Variants in DLG2 observed in about 807,000 individuals in gnomAD.
DLG2 encodes the protein discs large MAGUK scaffold protein 2.
In DLG2, 45 loss-of-function variants were observed where a neutral mutation model predicts 132.5. The observed-to-expected ratio is 0.34, with a 90% CI of 0.27 to 0.44. DLG2 has a LOEUF of 0.44. Among genes scored for constraint, DLG2 ranks in the 20% least tolerant of loss-of-function variants. The probability of loss-of-function intolerance (pLI) is 1.00; values close to 1 mark genes in which losing one functional copy is unlikely to be tolerated. For synonymous variants in DLG2, 424 were observed against 419.6 expected (o/e 1.01, Z -0.13); for missense variants, 1,045 against 1,196.9 (o/e 0.87, Z 1.87).
chr11:84,291,212 T>C (rs1371089973), intron 7 of DLG2, among the ~76,000 whole-genome samples: 3 of 152,106 alleles, frequency 2.0e-5, no homozygotes, highest in Admixed American at 1.3e-4. Context: ...AATTAAAGGC[T>C]AGCTAAGTTA....
intron 18 of DLG2, among the ~76,000 whole-genome samples, chr11:83,737,956 C>A (rs2092127078): frequency 6.6e-6 from 1 of 152,086 alleles, no homozygotes; most frequent in Non-Finnish European, 1.5e-5. Context: ...CTCTTTAATA[C>A]CTGTGCCCCC....
intron 6 of DLG2, among the ~76,000 whole-genome samples, chr11:85,008,157 TCAAGAGTA>T (rs1255326510): frequency 6.6e-6 from 1 of 152,154 alleles, no homozygotes; most frequent in Non-Finnish European, 1.5e-5. Flanking sequence ...AGTTTTGATA[TCAAGAGTA>T]TATAAAACTT....
intron 14 of DLG2, among the ~76,000 whole-genome samples, chr11:83,960,190 T>A (rs1013041686): frequency 1.3e-5 from 2 of 152,078 alleles, no homozygotes; most frequent in African/African-American, 4.8e-5. Flanking sequence ...CAAGTACTAA[T>A]TAGAGTCATA....
intron 8 of DLG2, among the ~76,000 whole-genome samples, chr11:84,239,268 C>T (rs2097197386): frequency 1.3e-5 from 2 of 150,230 alleles, no homozygotes; most frequent in Admixed American, 1.3e-4. Flanking sequence ...GCAACCTCAA[C>T]CTTCTGGGTT....
At position 85,027,435 on chromosome 11, in the gene DLG2, C is replaced by T. The variant is rs527842225; in HGVS notation, c.357+84226G>A. On this transcript the variant is annotated intron_variant, in intron 6 of 27. Transcript: ENST00000376104. ...AGCCAGAAACCTCTGTGGCAGGCAG[C>T]GCCTTCTGCCTGAGTATTGCTCGCG... Among the ~76,000 whole-genome samples, 54 of 152,198 alleles carry T rather than the reference C, an allele frequency of 3.5e-4. 1 individual carries two copies. The highest frequency in any genetic ancestry group is 1.1e-3 in the African/African-American group (44 of 41,538).
intron 21 of DLG2, among the ~76,000 whole-genome samples, chr11:83,528,914 C>T (rs1305155806): frequency 6.6e-6 from 1 of 152,144 alleles, no homozygotes; most frequent in African/African-American, 2.4e-5. Flanking sequence ...CAAGCACTGA[C>T]AGTCACATTA....
chr11:84,242,461 A>G lies in DLG2; in HGVS notation c.573+8777T>C, dbSNP rs2097243181. Among the ~76,000 whole-genome samples the G allele has an allele frequency of 2.6e-5, 4 of 151,198 alleles. 1 individual carries two copies. The South Asian group carries it at 8.4e-4, about 32-fold the overall frequency. ...TGCTCTGTCACCCAGGCTGGAGTGCAATGGCATGATCCCGGCTCACTGCAA... is the reference window on the plus strand; with the variant it reads ...TGCTCTGTCACCCAGGCTGGAGTGCGATGGCATGATCCCGGCTCACTGCAA... On this transcript the variant is annotated intron_variant, in intron 8 of 27. Coordinates refer to ENST00000376104, the MANE Select transcript of DLG2 (RefSeq NM_001142699.3).
At chr11:83,981,731 C>A (rs1368238577) in intron 11 of DLG2, among the ~76,000 whole-genome samples, 1 of 152,140 alleles carries the variant, frequency 6.6e-6, no homozygotes, top group Non-Finnish European at 1.5e-5. Flanking sequence ...GCCACCACGT[C>A]CTGCCAAAAA....
intron 14 of DLG2, among the ~76,000 whole-genome samples, chr11:83,935,738 A>G (rs2081293657): frequency 6.6e-6 from 1 of 152,220 alleles, no homozygotes; most frequent in South Asian, 2.1e-4. Context: ...AATATTTAAA[A>G]AGATTTTTCT....
chr11:83,498,686 A>AAC (rs33937152), intron 21 of DLG2, among the ~76,000 whole-genome samples: 1 of 151,344 alleles, frequency 6.6e-6, no homozygotes, highest in Non-Finnish European at 1.5e-5. Context: ...AAAAAAAAAA[A>AAC]CAATAATAAA....
At chr11:83,918,943 G>A (rs1264775741) in intron 15 of DLG2, among the ~76,000 whole-genome samples, 2 of 152,200 alleles carry the variant, frequency 1.3e-5, no homozygotes, top group African/African-American at 4.8e-5. Context: ...GAGCTCCAGT[G>A]TGGACAAGAG....
chr11:84,930,044 T>C (rs956765486), intron 6 of DLG2, among the ~76,000 whole-genome samples: 6 of 151,992 alleles, frequency 3.9e-5, no homozygotes, highest in African/African-American at 1.2e-4. Context: ...CATTCTAAAT[T>C]AAAAGACTGA....
chr11:85,478,323 C>A (rs1480968476), intron 3 of DLG2, among the ~76,000 whole-genome samples: 2 of 151,960 alleles, frequency 1.3e-5, no homozygotes, highest in Non-Finnish European at 2.9e-5. Flanking sequence ...CACCTGGACC[C>A]AAATATTTTC....
chr11:84,384,496 T>G (rs1287932109), intron 7 of DLG2, among the ~76,000 whole-genome samples: 1 of 152,044 alleles, frequency 6.6e-6, no homozygotes, highest in African/African-American at 2.4e-5. Flanking sequence ...AGCTCACACT[T>G]CAGTCCCTCC....
intron 6 of DLG2, among the ~76,000 whole-genome samples, chr11:84,783,372 GC>G (rs1471974387): frequency 6.6e-6 from 1 of 152,090 alleles, no homozygotes. Flanking sequence ...ATCACCCTGT[GC>G]CCCTTAAATG....
chr11:84,339,788 T>C (rs933861133), intron 7 of DLG2, among the ~76,000 whole-genome samples: 9 of 152,222 alleles, frequency 5.9e-5, no homozygotes, highest in African/African-American at 1.9e-4. Flanking sequence ...CATAGAGCAT[T>C]GTTGCTACAT....
chr11:85,174,419 C>A (rs534366632), intron 4 of DLG2, among the ~76,000 whole-genome samples: 1 of 151,982 alleles, frequency 6.6e-6, no homozygotes, highest in Non-Finnish European at 1.5e-5. Context: ...TTCTTTGAAA[C>A]AAATGAAAAC....
At chr11:84,915,801 G>A (rs753470412) in intron 6 of DLG2, among the ~76,000 whole-genome samples, 7 of 151,512 alleles carry the variant, frequency 4.6e-5, no homozygotes, top group South Asian at 2.1e-4. Context: ...CTTTCTGAAC[G>A]GCTAACATTC....
At chr11:85,534,427 T>G (rs2075436130) in intron 3 of DLG2, among the ~76,000 whole-genome samples, 1 of 152,154 alleles carries the variant, frequency 6.6e-6, no homozygotes, top group Non-Finnish European at 1.5e-5. Context: ...TTTGGGCTTC[T>G]AATAATCCCA....
Sources: gnomAD v4.1 joint callset for allele counts (sites outside exome capture counted in the v4.1 genomes callset) on GRCh38, gnomAD v4.1.1 for gene constraint, MANE v1.5 for transcripts, NCBI Gene and HGNC (gene_info 2026-07-23, HGNC 2026-07-21) for gene names.